Variants in CATSPERB observed in about 807,000 individuals in gnomAD.
CATSPERB encodes the protein cation channel sperm-associated auxiliary subunit beta.
Under a neutral mutation model 128.3 loss-of-function variants are expected in CATSPERB, and 93 were observed. The ratio of observed to expected loss-of-function variants is 0.72; its 90% CI spans 0.61 to 0.86. The LOEUF is 0.86. Ranked by LOEUF, CATSPERB falls within the 40% of genes least tolerant of loss-of-function variation. The probability of loss-of-function intolerance (pLI) is 0.00; values close to 1 mark genes in which losing one functional copy is unlikely to be tolerated. For synonymous variants in CATSPERB, 381 were observed against 448.8 expected (o/e 0.85, Z 1.91); for missense variants, 1,153 against 1,329.5 (o/e 0.87, Z 2.06).
chr14:91,640,443 G>A (rs1050857957), intron 15 of CATSPERB, among the ~76,000 whole-genome samples: 1 of 104,948 alleles, frequency 9.5e-6, no homozygotes, highest in African/African-American at 4.0e-5. Flanking sequence ...CCCTTCCTGT[G>A]TCCATGTGAT....
At position 91,621,747 on chromosome 14, in the gene CATSPERB, A is replaced by T; in HGVS notation, c.2121T>A (p.Asn707Lys). Residue 707 changes from asparagine (N) to lysine (K), a missense_variant, in exon 19 of 27, where the codon AAT becomes AAA. Transcript: ENST00000256343. The stretch of plus-strand genomic sequence containing the variant: ...TTGAATATATTTTCCATGTTCGTCC[A>T]TTCCTTTGCCCAAAGTTGTATAAGA... Reference protein sequence around the residue: ...TWFLYNFGQRNGRTWKIYSKP... With the variant: ...TWFLYNFGQRKGRTWKIYSKP... 3.7e-6 allele frequency: 6 copies of T among 1,614,184 alleles called. No homozygotes were observed. Among genetic ancestry groups the T allele is most frequent in the Non-Finnish European group, 5.1e-6 (6 of 1,180,024 alleles).
At chr14:91,587,333 T>C (rs899543726) in intron 25 of CATSPERB, 57 bp from the exon 26 acceptor site, 3 of 1,320,982 alleles carry the variant, frequency 2.3e-6, no homozygotes, top group Admixed American at 2.3e-5. Flanking sequence ...TTCCTTTAAG[T>C]ATTAATAAAA....
intron 2 of CATSPERB, 91 bp downstream of exon 2, chr14:91,729,310 C>G (rs1169540274): frequency 1.9e-6 from 1 of 524,094 alleles, no homozygotes; most frequent in Non-Finnish European, 3.3e-6. Context: ...AGAAGAAATA[C>G]TAAAAGAAAA....
chr14:91,713,705 A>C (rs1390262975), intron 5 of CATSPERB, among the ~76,000 whole-genome samples: 1 of 152,204 alleles, frequency 6.6e-6, no homozygotes, highest in Non-Finnish European at 1.5e-5. Flanking sequence ...AGAAAACTCC[A>C]AGCCCAGATA....
In CATSPERB at chr14:91,690,863, TC is replaced by T. The variant is rs544325171; in HGVS notation, c.864+659del. 9.5e-4 allele frequency among the ~76,000 whole-genome samples: 144 copies of T among 152,366 alleles called. 1 individual carries two copies. Among genetic ancestry groups the T allele is most frequent in the Non-Finnish European group, 5.7e-4 (39 of 68,034 alleles). ...TTCTGGTCCATAGCCATCTGCTCAC[TC>T]TATGAGGACAGAATAGGGAGGGCAT... On this transcript the variant is annotated intron_variant, in intron 10 of 26. Coordinates refer to ENST00000256343, the MANE Select transcript of CATSPERB (RefSeq NM_024764.4).
chr14:91,618,669 T>C (rs1433184878), intron 19 of CATSPERB, among the ~76,000 whole-genome samples: 2 of 152,314 alleles, frequency 1.3e-5, no homozygotes, highest in African/African-American at 2.4e-5. Context: ...ACCAGACCAA[T>C]TTCTGCCTGC....
chr14:91,730,700 T>A (rs1896196385), intron 1 of CATSPERB, among the ~76,000 whole-genome samples: 1 of 152,206 alleles, frequency 6.6e-6, no homozygotes, highest in Non-Finnish European at 1.5e-5. Context: ...TTGCCAACTC[T>A]AAGTGGAATA....
chr14:91,658,118 C>A (rs914025717), intron 15 of CATSPERB, among the ~76,000 whole-genome samples: 1 of 152,094 alleles, frequency 6.6e-6, no homozygotes, highest in Non-Finnish European at 1.5e-5. Context: ...AACAGTGAAG[C>A]TTTGGAAGCA....
intron 15 of CATSPERB, among the ~76,000 whole-genome samples, chr14:91,640,244 A>AT (rs1261578963): frequency 3.9e-5 from 4 of 101,352 alleles, no homozygotes; most frequent in Middle Eastern, 4.1e-3. Flanking sequence ...CATTCTTTTT[A>AT]TTTTTTTATT....
intron 5 of CATSPERB, among the ~76,000 whole-genome samples, chr14:91,715,695 G>T (rs1027736146): frequency 2.6e-5 from 4 of 151,540 alleles, no homozygotes; most frequent in African/African-American, 9.7e-5. Flanking sequence ...AAAGGCAAAA[G>T]AACTATAATA....
At chr14:91,612,033 TTTC>T (rs1383682308) in intron 20 of CATSPERB, among the ~76,000 whole-genome samples, 1 of 97,222 alleles carries the variant, frequency 1.0e-5, no homozygotes, top group Admixed American at 1.3e-4. Context: ...TCTTTCTTTC[TTTC>T]TTTCTTTCTT....
At chr14:91,670,015 T>C in intron 13 of CATSPERB, 43 bp from the exon 14 acceptor site, 1 of 1,553,248 alleles carries the variant, frequency 6.4e-7, no homozygotes, top group Non-Finnish European at 8.7e-7. Context: ...CTAGTCTGTG[T>C]TACAAATTTT....
chr14:91,662,153 T>C (rs1449092889), intron 14 of CATSPERB, among the ~76,000 whole-genome samples: 1 of 152,134 alleles, frequency 6.6e-6, no homozygotes, highest in Non-Finnish European at 1.5e-5. Flanking sequence ...TTTCTCCCCA[T>C]TCCTATCCCT....
intron 11 of CATSPERB, among the ~76,000 whole-genome samples, chr14:91,674,862 A>G (rs964780481): frequency 6.6e-6 from 1 of 152,194 alleles, no homozygotes; most frequent in Non-Finnish European, 1.5e-5. Context: ...CCACTGGGAC[A>G]GGACACACAG....
chr14:91,611,378 G>C (rs575928062), intron 20 of CATSPERB, among the ~76,000 whole-genome samples: 2 of 152,328 alleles, frequency 1.3e-5, no homozygotes, highest in South Asian at 4.1e-4. Context: ...GGGAGGCTGA[G>C]GTGGGTGGAT....
intron 19 of CATSPERB, among the ~76,000 whole-genome samples, chr14:91,618,841 A>G (rs1214793856): frequency 6.6e-6 from 1 of 152,186 alleles, no homozygotes; most frequent in Non-Finnish European, 1.5e-5. Context: ...AGTGCTTCCT[A>G]GCCTTTACCC....
At chr14:91,597,594 A>G (rs1893529913) in intron 22 of CATSPERB, among the ~76,000 whole-genome samples, 1 of 152,168 alleles carries the variant, frequency 6.6e-6, no homozygotes, top group Admixed American at 6.5e-5. Context: ...TTAATAATTA[A>G]TTTATAGAGA....
Position 91,605,172 on chromosome 14 carries a change from T to C in CATSPERB, c.2709+3122A>G. ...ACGGAGGAAGGAAGAGGAGAGACAG[T>C]CTCCATGTGAGGCATCTCAGCAGAA... is the stretch of plus-strand genomic sequence containing the variant. On this transcript the variant is annotated intron_variant, in intron 22 of 26. Coordinates refer to ENST00000256343, the MANE Select transcript of CATSPERB (RefSeq NM_024764.4). 15 of 1,497,902 alleles carry C rather than the reference T, an allele frequency of 1.0e-5. 1 individual carries two copies. In the South Asian group the frequency reaches 1.7e-4, roughly 17 times the overall value. The allele number at this position is 1,497,902 out of a possible 1,614,324, so 92.8% of individuals were successfully genotyped here. A position where few individuals can be genotyped will look rare whatever the true frequency, so the allele number is the denominator to read the frequency against.
At chr14:91,687,508 A>T (rs1895395536) in intron 10 of CATSPERB, among the ~76,000 whole-genome samples, 1 of 152,218 alleles carries the variant, frequency 6.6e-6, no homozygotes, top group Admixed American at 6.5e-5. Flanking sequence ...CCAGGAAGGC[A>T]GCCCTCACCA....
Sources: gnomAD v4.1 joint callset for allele counts (sites outside exome capture counted in the v4.1 genomes callset) on GRCh38, gnomAD v4.1.1 for gene constraint, MANE v1.5 for transcripts, NCBI Gene and HGNC (gene_info 2026-07-23, HGNC 2026-07-21) for gene names.